CADPS2: variants seen among roughly 807,000 people sequenced by gnomAD.
CADPS2 encodes the protein calcium dependent secretion activator 2.
A neutral mutation model predicts 172.5 loss-of-function variants in CADPS2; 93 were observed. The ratio of observed to expected loss-of-function variants is 0.54; its 90% confidence interval spans 0.46 to 0.64. The LOEUF (loss-of-function observed/expected upper bound fraction) is 0.64. Ranked by LOEUF, CADPS2 falls within the 30% of genes least tolerant of loss-of-function variation. The pLI is 0.00. For missense variants in CADPS2, 1,420 were observed against 1,565.9 expected (o/e 0.91, Z 1.57); for synonymous variants, 546 against 555.2 (o/e 0.98, Z 0.23).
rs577849926 is a variant in CADPS2, at chr7:122,460,913, G to A, written c.2187-9438C>T. Among the ~76,000 whole-genome samples the A allele has an allele frequency of 5.9e-5, 9 of 152,254 alleles. No individual in the cohort carries two copies. The South Asian group carries it at 1.9e-3, about 32-fold the overall frequency. On this transcript the variant is annotated intron_variant, in intron 14 of 29. Transcript: ENST00000449022. ...AGAGAACTGAAGAAATAGAGTAAGG[G>A]TTGGCAAACTACGGCCTTTCATCTG... is the stretch of plus-strand genomic sequence containing the variant.
chr7:122,546,184 C>A (rs2063597147), intron 8 of CADPS2, among the ~76,000 whole-genome samples: 1 of 152,132 alleles, frequency 6.6e-6, no homozygotes, highest in African/African-American at 2.4e-5. Context: ...AATCTGAACA[C>A]ACATCTATCA....
chr7:122,779,999 C>T (rs1792258821), intron 1 of CADPS2, among the ~76,000 whole-genome samples: 2 of 152,142 alleles, frequency 1.3e-5, no homozygotes, highest in Non-Finnish European at 2.9e-5. Context: ...TCTCAGGCTA[C>T]TTGGTGGCAT....
At chr7:122,800,763 C>T (rs1404704816) in intron 1 of CADPS2, among the ~76,000 whole-genome samples, 1 of 152,000 alleles carries the variant, frequency 6.6e-6, no homozygotes, top group East Asian at 1.9e-4. Flanking sequence ...CCAAGGCAGG[C>T]AGATCACTTT....
rs578125753 is a variant in CADPS2 at position 122,824,823 on chromosome 7, G to A, written c.339+61176C>T. ...TATTTTTTATATTTAGAAGTTACCC[G>A]GAATTTGGAATTTGTTCTAGTATAT... On this transcript the variant is annotated intron_variant, in intron 1 of 29. Transcript: ENST00000449022. Among the ~76,000 whole-genome samples, 32 of 152,176 alleles carry A rather than the reference G, an allele frequency of 2.1e-4. No homozygotes were observed. The Middle Eastern group carries it at 0.01, about 49-fold the overall frequency.
In CADPS2 at chr7:122,429,504, C is replaced by G. The variant is rs565901652; in HGVS notation, c.2476+8837G>C. 2.0e-5 allele frequency among the ~76,000 whole-genome samples: 3 copies of G among 152,016 alleles called. No individual in the cohort carries two copies. In the South Asian group the frequency reaches 6.3e-4, roughly 32 times the overall value. ...ACAATTTGTATCTAACAATTTGTCC[C>G]TCATCAACAGGTGACTTAGAAGCAG... is the stretch of plus-strand genomic sequence containing the variant. On this transcript the variant is annotated intron_variant, in intron 17 of 29. Transcript: ENST00000449022.
At chr7:122,875,250 A>G (rs1020008136) in intron 1 of CADPS2, among the ~76,000 whole-genome samples, 1 of 152,210 alleles carries the variant, frequency 6.6e-6, no homozygotes, top group Non-Finnish European at 1.5e-5. Context: ...AAACTCCACC[A>G]AAAGAAAGTA....
intron 1 of CADPS2, among the ~76,000 whole-genome samples, chr7:122,884,544 T>C (rs1048585179): frequency 2.0e-5 from 3 of 148,684 alleles, no homozygotes; most frequent in African/African-American, 7.3e-5. Context: ...ACTGAATACC[T>C]AGGGTTAGGT....
At chr7:122,660,603 A>AT (rs1188069883) in intron 3 of CADPS2, among the ~76,000 whole-genome samples, 1 of 83,606 alleles carries the variant, frequency 1.2e-5, no homozygotes, top group Non-Finnish European at 2.6e-5. Context: ...ATCAGTCTGG[A>AT]TTTAAAAAAA....
At chr7:122,816,405 G>A (rs1263441394) in intron 1 of CADPS2, among the ~76,000 whole-genome samples, 3 of 152,020 alleles carry the variant, frequency 2.0e-5, no homozygotes, top group East Asian at 3.9e-4. Flanking sequence ...ATATCCCTGT[G>A]GGTACATGTG....
At position 122,451,408 on chromosome 7, in the gene CADPS2, A is replaced by G. The variant is rs755235522; in HGVS notation, c.2254T>C (p.Ser752Pro). Residue 752 changes from serine (S) to proline (P), a missense_variant, in exon 15 of 30, where the codon TCT becomes CCT. By Grantham distance (74) the Ser-to-Pro change is moderately conservative (BLOSUM62 -1). Transcript: ENST00000449022. ...CTTATCTGATTTTCTAAAAGGGAAG[A>G]GAGTCTCTCTTTTATCTCCTCAAAT... ...ERFEEIKERL[S>P]SLLENQISHF... 1 of 1,570,602 alleles carries G rather than the reference A, an allele frequency of 6.4e-7. No homozygotes were observed. Among genetic ancestry groups the G allele is most frequent in the Admixed American group, 1.7e-5 (1 of 57,434 alleles).
At chr7:122,517,150 G>A (rs2060438761) in intron 8 of CADPS2, among the ~76,000 whole-genome samples, 1 of 152,026 alleles carries the variant, frequency 6.6e-6, no homozygotes, top group Non-Finnish European at 1.5e-5. Context: ...TATTCAGTAT[G>A]TAGCCTTTCT....
At chr7:122,632,001 T>C (rs995678340) in intron 3 of CADPS2, among the ~76,000 whole-genome samples, 12 of 152,206 alleles carry the variant, frequency 7.9e-5, no homozygotes, top group African/African-American at 2.4e-4. Flanking sequence ...TGCATCGACA[T>C]TGCTGCAAAG....
chr7:122,490,700 T>C (rs1451429328), intron 10 of CADPS2, among the ~76,000 whole-genome samples: 1 of 131,934 alleles, frequency 7.6e-6, no homozygotes, highest in African/African-American at 3.0e-5. Context: ...TTATCTTTTA[T>C]AAAATTCTTT....
At chr7:122,519,377 A>G (rs982057640) in intron 8 of CADPS2, among the ~76,000 whole-genome samples, 1 of 151,956 alleles carries the variant, frequency 6.6e-6, no homozygotes, top group Non-Finnish European at 1.5e-5. Context: ...TTCCCTTTGA[A>G]CAACAACAAC....
At chr7:122,525,204 CTT>C (rs1259929071) in intron 8 of CADPS2, among the ~76,000 whole-genome samples, 5 of 152,060 alleles carry the variant, frequency 3.3e-5, no homozygotes, top group Admixed American at 3.3e-4. Flanking sequence ...ATGGACTATA[CTT>C]GGTTCCTGAA....
intron 6 of CADPS2, among the ~76,000 whole-genome samples, chr7:122,581,532 T>G (rs1167263559): frequency 6.6e-6 from 1 of 152,160 alleles, no homozygotes; most frequent in African/African-American, 2.4e-5. Flanking sequence ...AATTGCATGT[T>G]ATGAGAATTT....
chr7:122,880,913 T>C (rs1363779092), intron 1 of CADPS2, among the ~76,000 whole-genome samples: 1 of 152,206 alleles, frequency 6.6e-6, no homozygotes, highest in Non-Finnish European at 1.5e-5. Flanking sequence ...TATTTAATTA[T>C]TAGGTCTTTC....
At chr7:122,637,208 T>TTTTTC (rs778963218) in intron 3 of CADPS2, among the ~76,000 whole-genome samples, 1 of 62,664 alleles carries the variant, frequency 1.6e-5, no homozygotes, top group African/African-American at 6.2e-5. Context: ...TTTTTTTTTT[T>TTTTTC]CCTGAGACAG....
chr7:122,442,873 C>G (rs889700290), intron 15 of CADPS2, among the ~76,000 whole-genome samples: 1 of 152,120 alleles, frequency 6.6e-6, no homozygotes, highest in African/African-American at 2.4e-5. Context: ...CTCCGCTACT[C>G]TCCACCCACA....
Sources: allele counts gnomAD v4.1 joint callset (sites outside exome capture counted in the v4.1 genomes callset), GRCh38; gene constraint gnomAD v4.1.1; transcripts MANE v1.5; gene names NCBI Gene and HGNC (gene_info 2026-07-23, HGNC 2026-07-21).